HS3ST3B1: variants seen among roughly 807,000 people sequenced by gnomAD.
HS3ST3B1 encodes the protein heparan sulfate-glucosamine 3-sulfotransferase 3B1.
HS3ST3B1 carries 13 observed loss-of-function variants against 21.3 expected under a neutral mutation model. The observed-to-expected ratio is 0.61, with a 90% CI of 0.40 to 0.97. HS3ST3B1 has a LOEUF of 0.97. Among genes scored for constraint, HS3ST3B1 ranks in the 50% least tolerant of loss-of-function variants. The pLI, the probability that HS3ST3B1 is intolerant of heterozygous loss-of-function variation, is 0.00. For missense variants in HS3ST3B1, 459 were observed against 554.8 expected, an observed-to-expected ratio of 0.83 and a Z score of 1.73; for synonymous variants, 234 against 254.8, an observed-to-expected ratio of 0.92 and a Z score of 0.78.
Position 14,349,250 on chromosome 17 carries a change from T to C in HS3ST3B1, c.*3604T>C, listed in dbSNP as rs1181798719. 6.6e-6 allele frequency: 1 copy of C among 152,208 alleles called. No homozygotes were observed. The highest frequency in any genetic ancestry group is 1.5e-5 in the Non-Finnish European group (1 of 68,040). 9.4% of individuals were successfully genotyped at this position (152,208 alleles called of 1,614,324 possible). On this transcript the variant is annotated 3_prime_UTR_variant, in exon 2 of 2. Coordinates refer to ENST00000360954, the MANE Select transcript of HS3ST3B1 (RefSeq NM_006041.3). ...CAGTATGTCTTCGATAACTTGGATGTTAGGATAGCCAATATGTACAAAAAA... is the reference window on the plus strand; with the variant it reads ...CAGTATGTCTTCGATAACTTGGATGCTAGGATAGCCAATATGTACAAAAAA...
intron 1 of HS3ST3B1, among the ~76,000 whole-genome samples, chr17:14,317,169 G>A (rs544385497): frequency 3.3e-5 from 5 of 152,292 alleles, no homozygotes; most frequent in Admixed American, 6.5e-5. Flanking sequence ...ATAAAGTTAC[G>A]TATCTTTTAA....
chr17:14,341,674 C>G (rs369521404), intron 1 of HS3ST3B1, among the ~76,000 whole-genome samples: 2 of 152,220 alleles, frequency 1.3e-5, no homozygotes, highest in Admixed American at 6.5e-5. Flanking sequence ...CTAAGTCAGA[C>G]TGACAGCGAG....
chr17:14,308,905 A>C lies in HS3ST3B1; in HGVS notation c.554+6833A>C, dbSNP rs184274924. On this transcript the variant is annotated intron_variant, in intron 1 of 1. Coordinates refer to ENST00000360954, the MANE Select transcript of HS3ST3B1 (RefSeq NM_006041.3). ...GTTACACTTGCTTAGAAACCCATAA[A>C]ATGCTGAAAGATGGTTCTGGGCAAT... Among the ~76,000 whole-genome samples, 39 of 152,308 alleles carry C rather than the reference A, an allele frequency of 2.6e-4. 1 individual carries two copies. In the South Asian group the frequency reaches 3.1e-3, roughly 12 times the overall value.
chr17:14,339,134 T>C (rs1910291136), intron 1 of HS3ST3B1, among the ~76,000 whole-genome samples: 1 of 152,086 alleles, frequency 6.6e-6, no homozygotes, highest in Non-Finnish European at 1.5e-5. Flanking sequence ...TTTACGTGCT[T>C]TTCAAAAAGG....
At chr17:14,339,554 C>G (rs934968416) in intron 1 of HS3ST3B1, among the ~76,000 whole-genome samples, 1 of 152,168 alleles carries the variant, frequency 6.6e-6, no homozygotes, top group African/African-American at 2.4e-5. Flanking sequence ...CAGCTGGTGA[C>G]CCATCTCCAA....
intron 1 of HS3ST3B1, among the ~76,000 whole-genome samples, chr17:14,321,973 TATC>T (rs915636501): frequency 9.9e-5 from 15 of 151,634 alleles, no homozygotes; most frequent in African/African-American, 2.7e-4. Flanking sequence ...TCATTATCAT[TATC>T]ATCATCATCT....
chr17:14,324,783 T>A (rs2142338120), intron 1 of HS3ST3B1, among the ~76,000 whole-genome samples: 1 of 152,216 alleles, frequency 6.6e-6, no homozygotes, highest in African/African-American at 2.4e-5. Context: ...GGCTAATTTT[T>A]AAAAATTTTT....
At chr17:14,337,935 C>G (rs908970401) in intron 1 of HS3ST3B1, among the ~76,000 whole-genome samples, 1 of 151,732 alleles carries the variant, frequency 6.6e-6, no homozygotes, top group African/African-American at 2.4e-5. Context: ...TCCAGGCCCA[C>G]AGATGCCACA....
intron 1 of HS3ST3B1, among the ~76,000 whole-genome samples, chr17:14,324,406 C>CGTTT (rs920260298): frequency 4.6e-5 from 7 of 152,024 alleles, no homozygotes; most frequent in Admixed American, 6.6e-5. Flanking sequence ...TCCTTTAAAA[C>CGTTT]GTTTGTTTGT....
At chr17:14,317,925 A>G (rs919904857) in intron 1 of HS3ST3B1, among the ~76,000 whole-genome samples, 6 of 152,152 alleles carry the variant, frequency 3.9e-5, no homozygotes, top group Non-Finnish European at 7.3e-5. Context: ...CAGAAAACAC[A>G]TAGATGGTTT....
Position 14,320,926 on chromosome 17 carries a change from A to G in HS3ST3B1, c.554+18854A>G, listed in dbSNP as rs947100517. Among the ~76,000 whole-genome samples, 4 of 152,282 alleles carry G rather than the reference A, an allele frequency of 2.6e-5. No individual in the cohort carries two copies. The East Asian group carries it at 5.8e-4, about 22-fold the overall frequency. On this transcript the variant is annotated intron_variant, in intron 1 of 1. Coordinates refer to ENST00000360954, the MANE Select transcript of HS3ST3B1 (RefSeq NM_006041.3). ...GGCACACACCTGTTCCGAGTGTGCA[A>G]TTAGTGCCTGCCGCCCTTCTTACTG...
At position 14,346,664 on chromosome 17, in the gene HS3ST3B1, T is replaced by C. The variant is rs1425523819; in HGVS notation, c.*1018T>C. On this transcript the variant is annotated 3_prime_UTR_variant, in exon 2 of 2. Coordinates refer to ENST00000360954, the MANE Select transcript of HS3ST3B1 (RefSeq NM_006041.3). ...CCCTGGTTCATTAACCAGTTTGAAG[T>C]GTATGTAGATTGTTGCCCCGTCTTT... 2.0e-5 allele frequency: 3 copies of C among 152,176 alleles called. No individual in the cohort carries two copies. Among genetic ancestry groups the C allele is most frequent in the Non-Finnish European group, 4.4e-5 (3 of 68,058 alleles). The allele number at this position is 152,176 out of a possible 1,614,324, so 9.4% of individuals were successfully genotyped here. A position where few individuals can be genotyped will look rare whatever the true frequency, so the allele number is the denominator to read the frequency against.
At chr17:14,340,185 T>A (rs2142352296) in intron 1 of HS3ST3B1, among the ~76,000 whole-genome samples, 1 of 152,228 alleles carries the variant, frequency 6.6e-6, no homozygotes, top group Non-Finnish European at 1.5e-5. Flanking sequence ...TCCCAGGACC[T>A]CCTGTGCACT....
intron 1 of HS3ST3B1, chr17:14,305,104 C>A (rs1909090057): frequency 6.6e-6 from 1 of 152,292 alleles, no homozygotes; most frequent in African/African-American, 2.4e-5. Flanking sequence ...AGAGCTGGCG[C>A]TGCCAATGGC....
chr17:14,343,034 G>A (rs1910435428), intron 1 of HS3ST3B1, among the ~76,000 whole-genome samples: 1 of 152,140 alleles, frequency 6.6e-6, no homozygotes, highest in Admixed American at 6.6e-5. Context: ...ACGAGGTCAG[G>A]AGATTGAGAC....
chr17:14,316,108 C>G (rs973461940), intron 1 of HS3ST3B1, among the ~76,000 whole-genome samples: 1 of 152,116 alleles, frequency 6.6e-6, no homozygotes, highest in Non-Finnish European at 1.5e-5. Flanking sequence ...GACACTAATC[C>G]TGTGCTCCCG....
At chr17:14,339,072 T>C (rs1235016579) in intron 1 of HS3ST3B1, among the ~76,000 whole-genome samples, 1 of 152,206 alleles carries the variant, frequency 6.6e-6, no homozygotes, top group Non-Finnish European at 1.5e-5. Context: ...GGACTGGAGA[T>C]GCTGTCTAGC....
intron 1 of HS3ST3B1, chr17:14,327,890 C>A (rs761933689): frequency 1.3e-5 from 2 of 152,098 alleles, no homozygotes; most frequent in Non-Finnish European, 2.9e-5. Flanking sequence ...CAATAAGCTG[C>A]AATTAAAGAT....
chr17:14,314,876 A>G (rs1300893334), intron 1 of HS3ST3B1, among the ~76,000 whole-genome samples: 1 of 152,054 alleles, frequency 6.6e-6, no homozygotes, highest in Non-Finnish European at 1.5e-5. Flanking sequence ...AATTTCCCCA[A>G]TCCAGTTCAT....
Sources: allele counts gnomAD v4.1 joint callset (sites outside exome capture counted in the v4.1 genomes callset), GRCh38; gene constraint gnomAD v4.1.1; transcripts MANE v1.5; gene names NCBI Gene and HGNC (gene_info 2026-07-23, HGNC 2026-07-21).